The following TET3 variants were observed in gnomAD, a reference collection of about 807,000 sequenced individuals.
The protein encoded by TET3 is tet methylcytosine dioxygenase 3.
In TET3, 19 loss-of-function variants were observed where a neutral mutation model predicts 141.4. The observed-to-expected ratio is 0.13, with a 90% CI of 0.09 to 0.20. The LOEUF is 0.20. Among genes scored for constraint, TET3 ranks in the 10% least tolerant of loss-of-function variants. The pLI is 1.00. For synonymous variants in TET3, 1,043 were observed against 980.9 expected (o/e 1.06, Z -1.18); for missense variants, 1,874 against 2,356.9 (o/e 0.80, Z 4.24).
Position 74,046,442 on chromosome 2 carries a change from G to A in TET3, c.525G>A (p.Arg175=). The A allele has an allele frequency of 6.2e-7, 1 of 1,603,006 alleles. No homozygotes were observed. The highest frequency in any genetic ancestry group is 2.2e-5 in the East Asian group (1 of 44,848). The change falls in exon 4 of 12, where the codon CGG becomes CGA. Residue 175 remains arginine (R), a synonymous_variant. Coordinates refer to ENST00000409262, the MANE Select transcript of TET3 (RefSeq NM_001287491.2). This position sits in a 1 kb window ranked among gnomAD's most constrained non-coding sequence, Gnocchi z 4.3. ...TGCTGGGGACTGGGGGTCCTTGGCG[G>A]GTAGACCAAAAGCCCGACTGGGAGG... ...PSLLGTGGPW[R]VDQKPDWEAA... is the part of the protein sequence containing the mutation.
chr2:74,128,969 T>A, the TET3 span, among the ~76,000 whole-genome samples: 6 of 128,952 alleles, frequency 4.7e-5, no homozygotes, highest in African/African-American at 6.4e-5. Context: ...TTCAGACTGG[T>A]TGACAGAGAT....
chr2:74,001,492 A>C (rs889418482), intron 2 of TET3, among the ~76,000 whole-genome samples: 2 of 152,188 alleles, frequency 1.3e-5, no homozygotes, highest in African/African-American at 4.8e-5. Context: ...TCAGTTTTAT[A>C]AGATGAGCAA....
At chr2:74,076,573 A>G (rs960312805) in intron 5 of TET3, among the ~76,000 whole-genome samples, 8 of 151,348 alleles carry the variant, frequency 5.3e-5, no homozygotes, top group African/African-American at 1.9e-4. Context: ...AATACACACG[A>G]AACCCCACTG....
Position 73,986,062 on chromosome 2 carries a change from C to T in TET3, c.-342C>T. ...TCACTCAGCTCTGCCCCCACCACAC[C>T]CCTACCTGCTCAACTCATGCCTGGG... On this transcript the variant is annotated 5_prime_UTR_variant, in exon 2 of 12. Coordinates refer to ENST00000409262, the MANE Select transcript of TET3 (RefSeq NM_001287491.2). The T allele has an allele frequency of 4.7e-6, 1 of 212,192 alleles. No individual in the cohort carries two copies. Among genetic ancestry groups the T allele is most frequent in the Non-Finnish European group, 9.3e-6 (1 of 108,108 alleles). The allele number at this position is 212,192 out of a possible 1,614,324, so 13.1% of individuals were successfully genotyped here.
intron 5 of TET3, among the ~76,000 whole-genome samples, chr2:74,077,009 T>C (rs944932706): frequency 1.3e-5 from 2 of 152,256 alleles, no homozygotes; most frequent in Non-Finnish European, 1.5e-5. Context: ...TTGGAGTCAG[T>C]TGTCAAACTC....
intron 3 of TET3, among the ~76,000 whole-genome samples, chr2:74,025,490 T>C (rs1686292765): frequency 6.6e-6 from 1 of 151,822 alleles, no homozygotes; most frequent in Non-Finnish European, 1.5e-5. Context: ...GGTTTCACCT[T>C]GTTAGCCAGG....
chr2:74,025,289 G>GT (rs1323335768), intron 3 of TET3, among the ~76,000 whole-genome samples: 41 of 150,028 alleles, frequency 2.7e-4, no homozygotes, highest in Non-Finnish European at 4.4e-5. Context: ...TCAAATGTAG[G>GT]TTTTTGTTTT....
At chr2:74,050,069 CCTT>C (rs1240731773) in intron 4 of TET3, among the ~76,000 whole-genome samples, 1 of 152,194 alleles carries the variant, frequency 6.6e-6, no homozygotes, top group African/African-American at 2.4e-5. Flanking sequence ...CCTCGTTTCT[CCTT>C]CTACAACGTG....
chr2:73,990,111 G>A (rs1573625403), intron 2 of TET3, among the ~76,000 whole-genome samples: 1 of 152,024 alleles, frequency 6.6e-6, no homozygotes. Flanking sequence ...TGCAATACAA[G>A]GGCTAGGTAT....
At position 74,047,727 on chromosome 2, in the gene TET3, C is replaced by T; in HGVS notation, c.1810C>T (p.Arg604Ter). Residue 604 changes from arginine to a stop codon, truncating the protein, a stop_gained, in exon 4 of 12, where the codon CGA (arginine) becomes TGA (stop). Coordinates refer to ENST00000409262, the MANE Select transcript of TET3 (RefSeq NM_001287491.2). LOFTEE classifies it high-confidence loss of function. ...TGCCCCTGGGATCAAGCCCAGTGTC[C>T]GAAAGCCCATTCAGATCAAGAAGTC... ...KAAPGIKPSV[R>*]KPIQIKKSRP... 1.2e-6 allele frequency: 2 copies of T among 1,613,522 alleles called. No homozygotes were observed. Among genetic ancestry groups the T allele is most frequent in the Admixed American group, 1.7e-5 (1 of 59,970 alleles).
Position 74,099,540 on chromosome 2 carries a change from AAGG to A in TET3, c.3535_3537del (p.Glu1179del). On this transcript the variant is annotated inframe_deletion, in exon 11 of 12. Coordinates refer to ENST00000409262, the MANE Select transcript of TET3 (RefSeq NM_001287491.2). ...AGCAGCCGAGAAGAAGAAGATTCAG[AAGG>A]AGAAGCTGAGCACTCCGGAGAAGAT... 1.2e-6 allele frequency: 2 copies of A among 1,611,548 alleles called. No homozygotes were observed. The highest frequency in any genetic ancestry group is 1.7e-6 in the Non-Finnish European group (2 of 1,178,832).
chr2:74,135,345 C>T, the TET3 span: 6 of 614,354 alleles, frequency 9.8e-6, no homozygotes, highest in African/African-American at 1.8e-5. Flanking sequence ...CAGGACAGAA[C>T]TGTCTAAAGA....
the TET3 span, among the ~76,000 whole-genome samples, chr2:74,127,823 G>A: frequency 6.6e-6 from 1 of 152,126 alleles, no homozygotes; most frequent in Admixed American, 6.6e-5. Context: ...TGCTTCAGCA[G>A]CGACAACAAA....
intron 4 of TET3, among the ~76,000 whole-genome samples, chr2:74,061,493 C>T (rs1272032309): frequency 2.1e-5 from 3 of 144,094 alleles, no homozygotes; most frequent in Admixed American, 6.8e-5. Flanking sequence ...CCTTCCCGGA[C>T]GGGGCGGCTG....
At chr2:74,122,464 T>TGTGTGTGTGG in the TET3 span, 1 of 135,032 alleles carries the variant, frequency 7.4e-6, no homozygotes, top group Admixed American at 8.4e-5. Flanking sequence ...TATATGTGTG[T>TGTGTGTGTGG]GTGTGTGTGT....
At chr2:74,022,074 AT>A (rs1268715525) in intron 3 of TET3, among the ~76,000 whole-genome samples, 1 of 122,830 alleles carries the variant, frequency 8.1e-6, no homozygotes, top group Non-Finnish European at 1.7e-5. Context: ...TCCTGTTACT[AT>A]TTCAGTCTTT....
Position 74,101,792 on chromosome 2 carries a change from C to G in TET3, c.5004C>G (p.Ala1668=). 1 of 1,613,012 alleles carries G rather than the reference C, an allele frequency of 6.2e-7. No individual in the cohort carries two copies. The highest frequency in any genetic ancestry group is 1.6e-4 in the Middle Eastern group (1 of 6,062). ...ACGGCTCCATCCTCATCGAGTGTGC[C>G]CGGCGGGAGCTGCACGCCACCACGC... ...PAHGSILIEC[A]RRELHATTPL... The change falls in exon 12 of 12, where the codon GCC becomes GCG. Residue 1668 remains alanine, a synonymous_variant. Transcript: ENST00000409262. This position sits in a 1 kb window ranked among gnomAD's most constrained non-coding sequence, Gnocchi z 8.5.
At chr2:74,077,434 A>G (rs979563469) in intron 5 of TET3, among the ~76,000 whole-genome samples, 1 of 152,224 alleles carries the variant, frequency 6.6e-6, no homozygotes, top group Non-Finnish European at 1.5e-5. Context: ...ATTGGCTTGT[A>G]TGATTAGTTA....
the TET3 span, among the ~76,000 whole-genome samples, chr2:74,129,637 A>G: frequency 6.6e-6 from 1 of 152,114 alleles, no homozygotes; most frequent in Non-Finnish European, 1.5e-5. Flanking sequence ...TCTCAAAAAA[A>G]AAAATGAATT....
Sources: gnomAD v4.1 joint callset for allele counts (sites outside exome capture counted in the v4.1 genomes callset) on GRCh38, gnomAD v4.1.1 for gene constraint, Gnocchi (gnomAD v3.1) non-coding constraint, MANE v1.5 for transcripts, NCBI Gene and HGNC (gene_info 2026-07-23, HGNC 2026-07-21) for gene names.